Variants in BTBD9 observed in about 807,000 individuals in gnomAD.
BTBD9 encodes BTB domain containing 9.
Under a neutral mutation model 64.3 loss-of-function variants are expected in BTBD9, and 49 were observed. The observed-to-expected ratio is 0.76, with a 90% CI of 0.61 to 0.97. The LOEUF (loss-of-function observed/expected upper bound fraction) is 0.97, where lower values mean the gene tolerates loss of function less well. Among genes scored for constraint, BTBD9 ranks in the 50% least tolerant of loss-of-function variants. The probability of loss-of-function intolerance (pLI) is 0.00; values close to 1 mark genes in which losing one functional copy is unlikely to be tolerated. For missense variants in BTBD9, 598 were observed against 762.1 expected (o/e 0.78, Z 2.53); for synonymous variants, 260 against 274.7 (o/e 0.95, Z 0.53).
At chr6:38,522,441 C>T (rs1004180160) in intron 6 of BTBD9, among the ~76,000 whole-genome samples, 3 of 152,174 alleles carry the variant, frequency 2.0e-5, no homozygotes, top group Non-Finnish European at 4.4e-5. Flanking sequence ...CTATTTTAGG[C>T]TCATTCTGTT....
chr6:38,523,735 A>G (rs973605672), intron 6 of BTBD9, among the ~76,000 whole-genome samples: 1 of 152,220 alleles, frequency 6.6e-6, no homozygotes, highest in Non-Finnish European at 1.5e-5. Context: ...CAGGCACTTT[A>G]TAGATAGTAG....
intron 6 of BTBD9, among the ~76,000 whole-genome samples, chr6:38,509,213 A>G (rs1370827852): frequency 6.6e-6 from 1 of 152,250 alleles, no homozygotes; most frequent in Non-Finnish European, 1.5e-5. Context: ...TACATTTAAA[A>G]TAATCCTCAA....
At chr6:38,354,128 G>A (rs1005358186) in intron 6 of BTBD9, among the ~76,000 whole-genome samples, 2 of 152,066 alleles carry the variant, frequency 1.3e-5, no homozygotes, top group African/African-American at 2.4e-5. Context: ...TATACCCTGA[G>A]AAATCAGAAC....
At chr6:38,203,319 C>A (rs1582044496) in intron 9 of BTBD9, among the ~76,000 whole-genome samples, 1 of 152,074 alleles carries the variant, frequency 6.6e-6, no homozygotes, top group Non-Finnish European at 1.5e-5. Flanking sequence ...TTTTAAAAAT[C>A]TAAAAGTACA....
At chr6:38,604,100 G>C (rs1008210311) in intron 1 of BTBD9, among the ~76,000 whole-genome samples, 2 of 152,142 alleles carry the variant, frequency 1.3e-5, no homozygotes, top group African/African-American at 4.8e-5. Flanking sequence ...CCTTGACTCT[G>C]ATATTTTGCA....
At chr6:38,544,097 G>A (rs1774417233) in intron 6 of BTBD9, among the ~76,000 whole-genome samples, 1 of 152,030 alleles carries the variant, frequency 6.6e-6, no homozygotes, top group Non-Finnish European at 1.5e-5. Flanking sequence ...CCAATCAACT[G>A]TAGATCAAAA....
chr6:38,553,000 A>AT (rs1224718311), intron 6 of BTBD9, among the ~76,000 whole-genome samples: 5 of 152,158 alleles, frequency 3.3e-5, no homozygotes, highest in Middle Eastern at 3.4e-3. Context: ...TTCTGTACAC[A>AT]TTTTTTTCTT....
chr6:38,455,730 A>C (rs1769767837), intron 6 of BTBD9, among the ~76,000 whole-genome samples: 1 of 152,140 alleles, frequency 6.6e-6, no homozygotes, highest in African/African-American at 2.4e-5. Context: ...GTTTCTGAGA[A>C]GGAGTTTTAC....
chr6:38,263,205 CTTCCA>C lies in BTBD9; in HGVS notation c.1455-6694_1455-6690del, dbSNP rs533749354. 7.2e-5 allele frequency among the ~76,000 whole-genome samples: 11 copies of C among 152,308 alleles called. No individual in the cohort carries two copies. The East Asian group carries it at 2.1e-3, about 29-fold the overall frequency. On this transcript the variant is annotated intron_variant, in intron 8 of 10. Transcript: ENST00000481247. ...CTTTAAGTTCTTCAGAAATAATTGT[CTTCCA>C]TTCAACAATTCAAAAAATATTTACT...
intron 6 of BTBD9, among the ~76,000 whole-genome samples, chr6:38,542,119 G>C (rs1774307348): frequency 6.6e-6 from 1 of 152,068 alleles, no homozygotes; most frequent in Non-Finnish European, 1.5e-5. Context: ...CTACCCAACA[G>C]CTTCAAACAA....
chr6:38,371,224 C>T (rs1204317002), intron 6 of BTBD9, among the ~76,000 whole-genome samples: 2 of 152,198 alleles, frequency 1.3e-5, no homozygotes, highest in East Asian at 3.8e-4. Context: ...TCCAGTCTGC[C>T]TGGGACAATT....
At chr6:38,527,482 G>T (rs561219653) in intron 6 of BTBD9, among the ~76,000 whole-genome samples, 1 of 152,150 alleles carries the variant, frequency 6.6e-6, no homozygotes, top group African/African-American at 2.4e-5. Context: ...TAGTGAGTGA[G>T]TTCTCACGAG....
At chr6:38,495,555 A>C (rs1771916523) in intron 6 of BTBD9, among the ~76,000 whole-genome samples, 1 of 152,224 alleles carries the variant, frequency 6.6e-6, no homozygotes, top group Non-Finnish European at 1.5e-5. Context: ...TGAATTCTGG[A>C]AAGGGGAGGA....
At chr6:38,577,933 T>G (rs1776126573) in intron 5 of BTBD9, among the ~76,000 whole-genome samples, 1 of 152,202 alleles carries the variant, frequency 6.6e-6, no homozygotes, top group Non-Finnish European at 1.5e-5. Context: ...CTTTCTCAAA[T>G]CATAAGCTGC....
intron 6 of BTBD9, among the ~76,000 whole-genome samples, chr6:38,383,253 GA>G (rs1766013434): frequency 6.6e-6 from 1 of 152,112 alleles, no homozygotes; most frequent in South Asian, 2.1e-4. Context: ...CTTTAAATGA[GA>G]AAAACCCTGT....
At chr6:38,375,959 G>GAAAGAAAA in intron 6 of BTBD9, among the ~76,000 whole-genome samples, 1 of 145,518 alleles carries the variant, frequency 6.9e-6, no homozygotes, top group Non-Finnish European at 1.5e-5. Context: ...AGGAAAGAAA[G>GAAAGAAAA]AAAGAAAAAA....
intron 6 of BTBD9, among the ~76,000 whole-genome samples, chr6:38,527,100 C>A (rs1043264473): frequency 6.6e-6 from 1 of 151,390 alleles, no homozygotes; most frequent in Admixed American, 6.6e-5. Context: ...CATAGTGAAA[C>A]CCCATCTCTA....
chr6:38,265,486 AC>A (rs1164522449), intron 8 of BTBD9, among the ~76,000 whole-genome samples: 1 of 150,952 alleles, frequency 6.6e-6, no homozygotes, highest in Non-Finnish European at 1.5e-5. Context: ...TGGAGACAAT[AC>A]AAAACTACCA....
chr6:38,256,321 G>T, intron 9 of BTBD9, 88 bp downstream of exon 9: 3 of 895,358 alleles, frequency 3.4e-6, no homozygotes, highest in South Asian at 1.5e-5. Flanking sequence ...GTAATTTGGC[G>T]ATTCTATGAA....
Sources: gnomAD v4.1 joint callset for allele counts (sites outside exome capture counted in the v4.1 genomes callset) on GRCh38, gnomAD v4.1.1 for gene constraint, MANE v1.5 for transcripts, NCBI Gene and HGNC (gene_info 2026-07-23, HGNC 2026-07-21) for gene names.